DEPTOR: variants seen among roughly 807,000 people sequenced by gnomAD.
DEPTOR encodes the protein DEP domain containing MTOR interacting protein, also known as DEP domain-containing mTOR-interacting protein.
DEPTOR carries 41 observed loss-of-function variants against 41.6 expected under a neutral mutation model. The observed-to-expected ratio is 0.98, with a 90% CI of 0.77 to 1.28. The LOEUF is 1.28. Ranked by LOEUF, DEPTOR falls within the 50% of genes most tolerant of loss-of-function variation. The pLI, the probability that DEPTOR is intolerant of heterozygous loss-of-function variation, is 0.00. For missense variants in DEPTOR, 514 were observed against 527.9 expected (o/e 0.97, Z 0.26); for synonymous variants, 195 against 192.3 (o/e 1.01, Z -0.12).
At chr8:119,993,680 A>G (rs1241208612) in intron 4 of DEPTOR, among the ~76,000 whole-genome samples, 2 of 152,212 alleles carry the variant, frequency 1.3e-5, no homozygotes, top group Non-Finnish European at 2.9e-5. Context: ...TGAGAAATGT[A>G]GAATTGGAAC....
chr8:120,041,101 G>C (rs1813061317), intron 8 of DEPTOR, among the ~76,000 whole-genome samples: 1 of 151,996 alleles, frequency 6.6e-6, no homozygotes. Context: ...TCTCCTTCAA[G>C]ATCAGAAAGA....
intron 4 of DEPTOR, among the ~76,000 whole-genome samples, chr8:119,988,150 G>A (rs1052932479): frequency 2.6e-5 from 4 of 152,178 alleles, no homozygotes; most frequent in Admixed American, 1.3e-4. Flanking sequence ...GTAGGCACCC[G>A]AGGGAATCTC....
At position 119,906,151 on chromosome 8, in the gene DEPTOR, T is replaced by TAC. The variant is rs567908475; in HGVS notation, c.123-22237_123-22236dup. 4.4e-3 allele frequency among the ~76,000 whole-genome samples: 667 copies of TAC among 151,950 alleles called. 4 individuals are homozygous for TAC. Among genetic ancestry groups the TAC allele is most frequent in the African/African-American group, 0.015 (631 of 41,486 alleles). ...TAATGCACTCTGTATATCATAAATA[T>TAC]ACACACACACACAAATTTTGCCGGG... is the stretch of plus-strand genomic sequence containing the variant. On this transcript the variant is annotated intron_variant, in intron 1 of 8. Coordinates refer to ENST00000286234, the MANE Select transcript of DEPTOR (RefSeq NM_022783.4).
At chr8:119,974,666 G>C (rs889604510) in intron 4 of DEPTOR, among the ~76,000 whole-genome samples, 3 of 152,098 alleles carry the variant, frequency 2.0e-5, no homozygotes, top group Admixed American at 2.0e-4. Context: ...CAGTTACTTG[G>C]GAGGTTGAGG....
intron 8 of DEPTOR, among the ~76,000 whole-genome samples, chr8:120,019,297 T>C (rs982243923): frequency 1.3e-4 from 20 of 152,056 alleles, no homozygotes; most frequent in Non-Finnish European, 2.9e-5. Context: ...AAAGTGAGAC[T>C]CTCTCAAAAA....
intron 4 of DEPTOR, among the ~76,000 whole-genome samples, chr8:119,989,009 C>T (rs1409117681): frequency 2.1e-5 from 3 of 142,000 alleles, no homozygotes; most frequent in Non-Finnish European, 4.5e-5. Context: ...CCATGTTGCC[C>T]AGGCTAGTCT....
chr8:119,967,245 A>ATT (rs1828574024), intron 4 of DEPTOR, among the ~76,000 whole-genome samples: 1 of 150,798 alleles, frequency 6.6e-6, no homozygotes, highest in Non-Finnish European at 1.5e-5. Context: ...CACCCAGATA[A>ATT]TTTTTGTATT....
At chr8:119,957,926 T>C (rs532072728) in intron 3 of DEPTOR, among the ~76,000 whole-genome samples, 3 of 152,244 alleles carry the variant, frequency 2.0e-5, no homozygotes, top group African/African-American at 7.2e-5. Flanking sequence ...CATCATTCCA[T>C]GTGGCTTTAT....
At chr8:120,003,314 G>A (rs527289311) in intron 6 of DEPTOR, among the ~76,000 whole-genome samples, 13 of 152,176 alleles carry the variant, frequency 8.5e-5, no homozygotes, top group African/African-American at 3.1e-4. Flanking sequence ...CTCAATGAAG[G>A]CTATCATTGA....
At chr8:119,939,210 G>T (rs529380254) in intron 3 of DEPTOR, among the ~76,000 whole-genome samples, 1 of 152,052 alleles carries the variant, frequency 6.6e-6, no homozygotes, top group Non-Finnish European at 1.5e-5. Context: ...GAGTGTGCTT[G>T]CATGTTGCAA....
At chr8:119,933,453 G>GACACACACACACAC (rs35420959) in intron 3 of DEPTOR, among the ~76,000 whole-genome samples, 88 of 124,562 alleles carry the variant, frequency 7.1e-4, no homozygotes, top group Middle Eastern at 7.9e-3. Flanking sequence ...GACAGAGCAA[G>GACACACACACACAC]ACACACACAC....
intron 3 of DEPTOR, among the ~76,000 whole-genome samples, chr8:119,940,962 G>A (rs1025422089): frequency 3.9e-5 from 6 of 152,102 alleles, no homozygotes; most frequent in African/African-American, 1.4e-4. Context: ...GGGGAATAGG[G>A]AGTCATTGTT....
At chr8:119,969,939 A>G (rs1307142079) in intron 4 of DEPTOR, 1 of 152,214 alleles carries the variant, frequency 6.6e-6, no homozygotes, top group Non-Finnish European at 1.5e-5. Context: ...TTAGGCTTTG[A>G]GCAGAAGGTT....
At chr8:120,001,824 A>T in intron 5 of DEPTOR, 114 bp downstream of exon 5, 3 of 1,271,100 alleles carry the variant, frequency 2.4e-6, no homozygotes, top group Non-Finnish European at 3.1e-6. Flanking sequence ...ATTTTTACTT[A>T]TTCATAACCA....
chr8:119,967,753 C>CAA (rs369574750), intron 4 of DEPTOR, among the ~76,000 whole-genome samples: 1,177 of 85,016 alleles, frequency 0.014, 14 homozygotes, highest in African/African-American at 0.044. Context: ...GACTTCGTCC[C>CAA]AAAAAAAAAA....
chr8:119,927,938 G>A (rs1827983602), intron 1 of DEPTOR, among the ~76,000 whole-genome samples: 1 of 152,040 alleles, frequency 6.6e-6, no homozygotes, highest in Non-Finnish European at 1.5e-5. Flanking sequence ...GTACCTAACA[G>A]GCAGGTAGTA....
intron 1 of DEPTOR, among the ~76,000 whole-genome samples, chr8:119,902,442 CG>C (rs770030466): frequency 8.5e-5 from 13 of 152,066 alleles, no homozygotes; most frequent in Non-Finnish European, 1.9e-4. Context: ...CTGGTTCAAG[CG>C]ATTCTCCTGT....
chr8:120,029,723 C>A (rs1350388962), intron 8 of DEPTOR, among the ~76,000 whole-genome samples: 1 of 152,034 alleles, frequency 6.6e-6, no homozygotes, highest in Non-Finnish European at 1.5e-5. Flanking sequence ...TTTTTTTCTG[C>A]TGAAAAGAAA....
rs1411729701 is a variant in DEPTOR, at chr8:120,050,721, C to T, written c.*1017C>T. On this transcript the variant is annotated 3_prime_UTR_variant, in exon 9 of 9. Coordinates refer to ENST00000286234, the MANE Select transcript of DEPTOR (RefSeq NM_022783.4). ...CATCTTGTGTTGTAACTTTTCAGCT[C>T]ACTTGTATATACGCACGTTTTCATT... 1 of 152,014 alleles carries T rather than the reference C, an allele frequency of 6.6e-6. No individual in the cohort carries two copies. The highest frequency in any genetic ancestry group is 1.5e-5 in the Non-Finnish European group (1 of 68,008). The allele number at this position is 152,014 out of a possible 1,614,324, so 9.4% of individuals were successfully genotyped here. A position where few individuals can be genotyped will look rare whatever the true frequency, so the allele number is the denominator to read the frequency against.
Sources: gnomAD v4.1 joint callset for allele counts (sites outside exome capture counted in the v4.1 genomes callset) on GRCh38, gnomAD v4.1.1 for gene constraint, MANE v1.5 for transcripts, NCBI Gene and HGNC (gene_info 2026-07-23, HGNC 2026-07-21) for gene names.